The following ABCC3 variants were observed in gnomAD, a reference collection of about 807,000 sequenced individuals.
ABCC3 encodes the protein ATP-binding cassette sub-family C member 3.
ABCC3 carries 121 observed loss-of-function variants against 165.3 expected under a neutral mutation model. The observed-to-expected ratio is 0.73, with a 90% CI of 0.63 to 0.85. The LOEUF (loss-of-function observed/expected upper bound fraction) is 0.85, where lower values mean the gene tolerates loss of function less well. Among genes scored for constraint, ABCC3 ranks in the 40% least tolerant of loss-of-function variants. ABCC3 has a pLI of 0.00. For missense variants in ABCC3, 1,869 were observed against 1,964.1 expected (o/e 0.95, Z 0.92); for synonymous variants, 733 against 810.1 (o/e 0.90, Z 1.62).
Position 50,684,072 on chromosome 17 carries a change from C to T in ABCC3, c.4078C>T (p.His1360Tyr), listed in dbSNP as rs1967977715. The part of the protein sequence containing the change: ...DGLNVADIGL[H>Y]DLRSQLTIIP... ...CCTCAATGTGGCAGACATCGGCCTC[C>T]ATGACCTGCGCTCTCAGCTGACCAT... is the stretch of plus-strand genomic sequence containing the variant. The change falls in exon 28 of 31, where the codon CAT becomes TAT. Residue 1360 changes from histidine (H) to tyrosine (Y), a missense_variant. Physicochemically the swap from His to Tyr is moderately conservative, Grantham distance 83 (BLOSUM62 2). Coordinates refer to ENST00000285238, the MANE Select transcript of ABCC3 (RefSeq NM_003786.4). The T allele has an allele frequency of 6.2e-7, 1 of 1,613,468 alleles. No homozygotes were observed. Among genetic ancestry groups the T allele is most frequent in the Non-Finnish European group, 8.5e-7 (1 of 1,179,762 alleles).
chr17:50,642,898 G>A (rs934860246), intron 1 of ABCC3, among the ~76,000 whole-genome samples: 3 of 152,310 alleles, frequency 2.0e-5, no homozygotes, highest in Admixed American at 6.5e-5. Context: ...GCCTGTCCCG[G>A]CCACACACTG....
chr17:50,678,293 G>A (rs1411419785), intron 25 of ABCC3, 74 bp downstream of exon 25: 8 of 1,467,062 alleles, frequency 5.5e-6, no homozygotes, highest in South Asian at 1.5e-5. Context: ...GGCATCTCCC[G>A]AGTGCCCCTC....
intron 1 of ABCC3, among the ~76,000 whole-genome samples, chr17:50,655,309 G>A (rs1488758484): frequency 2.0e-5 from 3 of 150,008 alleles, no homozygotes; most frequent in African/African-American, 4.9e-5. Flanking sequence ...AGGAGGCTGA[G>A]GCAGGAGAAT....
At chr17:50,659,773 C>T (rs1377448641) in intron 7 of ABCC3, among the ~76,000 whole-genome samples, 1 of 152,096 alleles carries the variant, frequency 6.6e-6, no homozygotes, top group Non-Finnish European at 1.5e-5. Flanking sequence ...TTGCTTGAGT[C>T]CAAGAGTTCA....
rs147813887 is a variant in ABCC3 at position 50,642,475 on chromosome 17, G to A, written c.45+7494G>A. 1.1e-3 allele frequency among the ~76,000 whole-genome samples: 161 copies of A among 152,340 alleles called. 1 individual carries two copies. The highest frequency in any genetic ancestry group is 8.7e-4 in the Non-Finnish European group (59 of 68,038). ...TTGTTGCCACAGAGCAGGTGTCTGCGAAACCAAAACACGGGCCTGACAGCT... is the reference window on the plus strand; with the variant it reads ...TTGTTGCCACAGAGCAGGTGTCTGCAAAACCAAAACACGGGCCTGACAGCT... On this transcript the variant is annotated intron_variant, in intron 1 of 30. Transcript: ENST00000285238.
At chr17:50,648,460 T>C (rs1967047302) in intron 1 of ABCC3, among the ~76,000 whole-genome samples, 1 of 152,236 alleles carries the variant, frequency 6.6e-6, no homozygotes, top group Admixed American at 6.5e-5. Context: ...ACCAGCAGTT[T>C]ATTCTGTGGA....
chr17:50,668,446 A>G lies in ABCC3; in HGVS notation c.1799A>G (p.Lys600Arg). The change falls in exon 14 of 31, where the codon AAA becomes AGA. Residue 600 changes from lysine to arginine, a missense_variant. Lys to Arg is a conservative substitution (Grantham distance 26, BLOSUM62 2). Coordinates refer to ENST00000285238, the MANE Select transcript of ABCC3 (RefSeq NM_003786.4). ...SNLTQASVSL[K>R]RIQQFLSQEE... Reference sequence around the variant, plus strand: ...CTCCCGTAGGCCAGTGTGTCTCTGAAACGGATCCAGCAATTCCTGAGCCAA... The same window carrying G: ...CTCCCGTAGGCCAGTGTGTCTCTGAGACGGATCCAGCAATTCCTGAGCCAA... 2 of 1,613,888 alleles carry G rather than the reference A, an allele frequency of 1.2e-6. No individual in the cohort carries two copies. The highest frequency in any genetic ancestry group is 8.5e-7 in the Non-Finnish European group (1 of 1,179,878).
chr17:50,645,236 T>C (rs1597839489), intron 1 of ABCC3, among the ~76,000 whole-genome samples: 1 of 147,952 alleles, frequency 6.8e-6, no homozygotes, highest in South Asian at 2.2e-4. Context: ...TAACCAGCCG[T>C]GGTGGTGCAC....
chr17:50,684,558 T>G lies in ABCC3; in HGVS notation c.4114-151T>G, dbSNP rs1967988891. On this transcript the variant is annotated intron_variant, in intron 28 of 30. Transcript: ENST00000285238. Reference sequence around the variant, plus strand: ...GTTTATCACTCCCCTACAGGCAATTTTCTATCTCTTTGGCCATTGTGTCCT... The same window carrying G: ...GTTTATCACTCCCCTACAGGCAATTGTCTATCTCTTTGGCCATTGTGTCCT... The G allele has an allele frequency of 6.1e-6, 5 of 819,356 alleles. No individual in the cohort carries two copies. The East Asian group carries it at 8.7e-5, about 14-fold the overall frequency. The allele number at this position is 819,356 out of a possible 1,614,324, so 50.8% of individuals were successfully genotyped here. A position where few individuals can be genotyped will look rare whatever the true frequency, so the allele number is the denominator to read the frequency against.
chr17:50,691,907 G>C lies in ABCC3; in HGVS notation c.*707G>C, dbSNP rs1031746707. On this transcript the variant is annotated 3_prime_UTR_variant, in exon 31 of 31. Coordinates refer to ENST00000285238, the MANE Select transcript of ABCC3 (RefSeq NM_003786.4). ...GCTCCTGCTCTGCTGTGCAGATATT[G>C]TAAAACGGTGAGAAAGGCCCTGAAA... The C allele has an allele frequency of 8.5e-5, 13 of 152,208 alleles. No homozygotes were observed. The highest frequency in any genetic ancestry group is 3.1e-4 in the African/African-American group (13 of 41,454). The allele number at this position is 152,208 out of a possible 1,614,324, so 9.4% of individuals were successfully genotyped here.
rs138527313 is a variant in ABCC3 at position 50,673,066 on chromosome 17, C to T, written c.2337C>T (p.Ser779=). The change falls in exon 18 of 31, where the codon TCC becomes TCT. Residue 779 remains serine (S), a synonymous_variant. Transcript: ENST00000285238. ...TTTTCTTGCTGGATGACCCACTGTC[C>T]GCGGTGGACTCTCATGTGGCCAAGC... ...ADIFLLDDPL[S]AVDSHVAKHI... is the part of the protein sequence containing the mutation. The T allele has an allele frequency of 4.8e-5, 78 of 1,614,088 alleles. No individual in the cohort carries two copies. In the African/African-American group the frequency reaches 7.2e-4, roughly 15 times the overall value.
intron 1 of ABCC3, among the ~76,000 whole-genome samples, chr17:50,647,987 TGAG>T (rs1180842542): frequency 6.6e-6 from 1 of 151,674 alleles, no homozygotes; most frequent in Non-Finnish European, 1.5e-5. Flanking sequence ...TGCTGTGAGC[TGAG>T]ATCACACCAC....
chr17:50,636,968 G>A (rs1360584347), intron 1 of ABCC3, among the ~76,000 whole-genome samples: 1 of 152,188 alleles, frequency 6.6e-6, no homozygotes, highest in African/African-American at 2.4e-5. Context: ...GGACCCCGGG[G>A]CTGTGGTTAC....
chr17:50,666,681 G>A (rs1486784227), intron 11 of ABCC3, among the ~76,000 whole-genome samples: 6 of 152,192 alleles, frequency 3.9e-5, no homozygotes, highest in African/African-American at 1.4e-4. Context: ...ATCATGGCAG[G>A]GGCCTTGTCT....
Position 50,686,641 on chromosome 17 carries a change from A to T in ABCC3, c.4281-895A>T, listed in dbSNP as rs574296565. ...CAACACTTCCCCCAGAGCATGCCCC[A>T]CCCCGACACATGCCGTGATCAGAGA... On this transcript the variant is annotated intron_variant, in intron 29 of 30. Coordinates refer to ENST00000285238, the MANE Select transcript of ABCC3 (RefSeq NM_003786.4). Among the ~76,000 whole-genome samples the T allele has an allele frequency of 1.6e-4, 24 of 151,344 alleles. No individual in the cohort carries two copies. The South Asian group carries it at 4.4e-3, about 28-fold the overall frequency.
chr17:50,653,358 A>AG (rs1967152048), intron 1 of ABCC3, among the ~76,000 whole-genome samples: 2 of 151,040 alleles, frequency 1.3e-5, no homozygotes, highest in African/African-American at 4.9e-5. Context: ...AAAAAAAAAA[A>AG]AAAAAGAAAA....
intron 5 of ABCC3, 81 bp downstream of exon 5, chr17:50,658,288 G>A: frequency 2.5e-6 from 4 of 1,605,402 alleles, no homozygotes; most frequent in Non-Finnish European, 3.4e-6. Flanking sequence ...AACCCCTCCA[G>A]TTCCTTTCAA....
intron 27 of ABCC3, 61 bp from the exon 28 acceptor site, chr17:50,683,888 C>T (rs1420772000): frequency 1.3e-6 from 2 of 1,587,978 alleles, no homozygotes; most frequent in African/African-American, 1.4e-5. Context: ...CAGGAGAGTC[C>T]TGGAGATGCG....
At chr17:50,670,300 C>T (rs1334662870) in intron 17 of ABCC3, among the ~76,000 whole-genome samples, 1 of 151,562 alleles carries the variant, frequency 6.6e-6, no homozygotes, top group Admixed American at 6.6e-5. Context: ...CCCATCTGGT[C>T]TTGAACTCCT....
Sources: gnomAD v4.1 joint callset for allele counts (sites outside exome capture counted in the v4.1 genomes callset) on GRCh38, gnomAD v4.1.1 for gene constraint, MANE v1.5 for transcripts, NCBI Gene and HGNC (gene_info 2026-07-23, HGNC 2026-07-21) for gene names.